Variants in NOP58 observed in about 807,000 individuals in gnomAD.
NOP58 encodes the protein NOP58 ribonucleoprotein, also known as nucleolar protein 58.
Under a neutral mutation model 71.2 loss-of-function variants are expected in NOP58, and 44 were observed. That is an observed-to-expected ratio of 0.62 (90% CI 0.49 to 0.79). NOP58 has a LOEUF of 0.79. NOP58 is among the 30% of genes least tolerant of loss of function. NOP58 has a pLI of 0.00. For missense variants in NOP58, 538 were observed against 620.2 expected, an observed-to-expected ratio of 0.87 and a Z score of 1.41; for synonymous variants, 228 against 200.3, an observed-to-expected ratio of 1.14 and a Z score of -1.17.
At chr2:202,277,604 C>CA (rs1482891437) in intron 2 of NOP58, among the ~76,000 whole-genome samples, 1 of 152,060 alleles carries the variant, frequency 6.6e-6, no homozygotes, top group Non-Finnish European at 1.5e-5. Flanking sequence ...AAAAAGGACT[C>CA]ACGTACGTTT....
At chr2:202,276,893 C>T (rs149677009) in intron 2 of NOP58, among the ~76,000 whole-genome samples, 76 of 152,044 alleles carry the variant, frequency 5.0e-4, no homozygotes, top group African/African-American at 1.7e-3. Flanking sequence ...AATCCCAGCA[C>T]TTTGGGAGGT....
chr2:202,291,890 AT>A (rs531474987), intron 8 of NOP58, among the ~76,000 whole-genome samples: 60 of 122,368 alleles, frequency 4.9e-4, no homozygotes, highest in East Asian at 5.9e-4. Context: ...ATATCTTGTG[AT>A]TTTTTTTTCT....
rs756426002 is a variant in NOP58 at position 202,303,476 on chromosome 2, T to C, written c.*40T>C. On this transcript the variant is annotated 3_prime_UTR_variant, in exon 15 of 15. Coordinates refer to ENST00000264279, the MANE Select transcript of NOP58 (RefSeq NM_015934.5). The stretch of plus-strand genomic sequence containing the variant: ...GATTATATCACCCGGACACACATCA[T>C]GCTTAAGATTCAACTGGGAGCATAC... 6.3e-7 allele frequency: 1 copy of C among 1,583,818 alleles called. No individual in the cohort carries two copies.
At chr2:202,270,858 G>C (rs1688501858) in intron 1 of NOP58, among the ~76,000 whole-genome samples, 1 of 152,048 alleles carries the variant, frequency 6.6e-6, no homozygotes, top group Non-Finnish European at 1.5e-5. Context: ...GGAAGGCTGG[G>C]GTGGGCAGAT....
chr2:202,303,614 A>T lies in NOP58; in HGVS notation c.*178A>T, dbSNP rs1038488368. The T allele has an allele frequency of 7.4e-6, 5 of 677,692 alleles. No individual in the cohort carries two copies. The highest frequency in any genetic ancestry group is 1.1e-5 in the Non-Finnish European group (5 of 451,622). The allele number at this position is 677,692 out of a possible 1,614,324, so 42.0% of individuals were successfully genotyped here. On this transcript the variant is annotated 3_prime_UTR_variant, in exon 15 of 15. Transcript: ENST00000264279. Reference sequence around the variant, plus strand: ...TCAACTCTGTTAACCTTATGTCATCATTTCTTAGAGTCTTTGATATACAAA... The same window carrying T: ...TCAACTCTGTTAACCTTATGTCATCTTTTCTTAGAGTCTTTGATATACAAA...
intron 6 of NOP58, among the ~76,000 whole-genome samples, chr2:202,289,335 A>G (rs1259461346): frequency 6.6e-6 from 1 of 152,216 alleles, no homozygotes; most frequent in African/African-American, 2.4e-5. Flanking sequence ...GAAATTCAAA[A>G]TGCTCTGAAA....
chr2:202,280,117 C>T (rs1436562645), intron 3 of NOP58, among the ~76,000 whole-genome samples: 1 of 152,166 alleles, frequency 6.6e-6, no homozygotes, highest in East Asian at 1.9e-4. Context: ...ATTCAGTTCT[C>T]ACTGCCTATT....
intron 6 of NOP58, among the ~76,000 whole-genome samples, chr2:202,290,041 A>G (rs1688859613): frequency 6.6e-6 from 1 of 151,766 alleles, no homozygotes; most frequent in Non-Finnish European, 1.5e-5. Context: ...TACAACCTCC[A>G]CCTCCTGTGT....
chr2:202,296,717 T>TTTTGTTTG (rs144056381), intron 10 of NOP58, among the ~76,000 whole-genome samples: 2,343 of 149,154 alleles, frequency 0.016, 37 homozygotes, highest in East Asian at 0.025. Context: ...CCACGCTTTT[T>TTTTGTTTG]TTTGTTTGTT....
intron 5 of NOP58, among the ~76,000 whole-genome samples, chr2:202,286,410 C>CAGGAG (rs1688787069): frequency 6.6e-6 from 1 of 151,288 alleles, no homozygotes; most frequent in African/African-American, 2.4e-5. Flanking sequence ...GAGGCTGAGG[C>CAGGAG]AGGAGAATGG....
intron 8 of NOP58, among the ~76,000 whole-genome samples, chr2:202,291,919 C>T (rs1457441816): frequency 7.0e-6 from 1 of 141,894 alleles, no homozygotes; most frequent in African/African-American, 2.6e-5. Flanking sequence ...TTGAAGGTAG[C>T]CATATAGGAA....
At chr2:202,283,844 T>C (rs569795874) in intron 4 of NOP58, among the ~76,000 whole-genome samples, 8 of 152,324 alleles carry the variant, frequency 5.3e-5, no homozygotes, top group African/African-American at 1.9e-4. Flanking sequence ...TTAATTTATA[T>C]AGCCAAGCTG....
chr2:202,291,896 T>A (rs1688907082), intron 8 of NOP58, among the ~76,000 whole-genome samples: 1 of 151,168 alleles, frequency 6.6e-6, no homozygotes, highest in African/African-American at 2.4e-5. Context: ...TGTGATTTTT[T>A]TTTCTTTCAG....
chr2:202,281,131 CTTTTTCTTTTTT>C (rs1024906471), intron 3 of NOP58, among the ~76,000 whole-genome samples: 28 of 147,150 alleles, frequency 1.9e-4, no homozygotes, highest in Non-Finnish European at 3.5e-4. Context: ...TTTTCTTTTT[CTTTTTCTTTTTT>C]TTTTTTTAGA....
chr2:202,284,586 C>T, intron 5 of NOP58, 105 bp downstream of exon 5: 1 of 1,195,554 alleles, frequency 8.4e-7, no homozygotes, highest in Non-Finnish European at 1.2e-6. Flanking sequence ...CACATCAGAA[C>T]CTTATGAAGA....
chr2:202,285,031 GTTTGTTTTGTT>G lies in NOP58; in HGVS notation c.434+565_434+575del, dbSNP rs547851566. On this transcript the variant is annotated intron_variant, in intron 5 of 14. Coordinates refer to ENST00000264279, the MANE Select transcript of NOP58 (RefSeq NM_015934.5). ...AATATGTCTCTCTCTGTGTTTTTTT[GTTTGTTTTGTT>G]TTTGTTTTGTTTTTTTTGAGGCAGA... Among the ~76,000 whole-genome samples the G allele has an allele frequency of 2.7e-4, 41 of 151,930 alleles. No individual in the cohort carries two copies. In the South Asian group the frequency reaches 4.1e-3, roughly 15 times the overall value.
chr2:202,288,767 A>T (rs1688834452), intron 6 of NOP58, among the ~76,000 whole-genome samples: 1 of 151,944 alleles, frequency 6.6e-6, no homozygotes, highest in African/African-American at 2.4e-5. Context: ...GTGGGCCGAG[A>T]TCGCACCATT....
intron 4 of NOP58, among the ~76,000 whole-genome samples, chr2:202,283,287 T>C (rs1688735758): frequency 1.3e-5 from 2 of 152,028 alleles, no homozygotes; most frequent in Non-Finnish European, 2.9e-5. Context: ...TAGAGTGCAG[T>C]GGCATGATCT....
chr2:202,285,907 A>C (rs1200126188), intron 5 of NOP58, among the ~76,000 whole-genome samples: 1 of 152,184 alleles, frequency 6.6e-6, no homozygotes, highest in Admixed American at 6.5e-5. Context: ...TAAAAGAAAC[A>C]CTACAGGCTG....
Sources: allele counts gnomAD v4.1 joint callset (sites outside exome capture counted in the v4.1 genomes callset), GRCh38; gene constraint gnomAD v4.1.1; transcripts MANE v1.5; gene names NCBI Gene and HGNC (gene_info 2026-07-23, HGNC 2026-07-21).